Variants in DKK3 observed in about 807,000 individuals in gnomAD.
DKK3 encodes the protein dickkopf-related protein 3.
DKK3 carries 22 observed loss-of-function variants against 33.2 expected under a neutral mutation model. That is an observed-to-expected ratio of 0.66 (90% CI 0.47 to 0.95). The LOEUF is 0.95. DKK3 is among the 40% of genes least tolerant of loss of function. The pLI is 0.00. For synonymous variants in DKK3, 194 were observed against 188.8 expected, an observed-to-expected ratio of 1.03 and a Z score of -0.23; for missense variants, 398 against 458.4, an observed-to-expected ratio of 0.87 and a Z score of 1.20.
chr11:11,999,550 G>C (rs1205652146), intron 2 of DKK3, among the ~76,000 whole-genome samples: 1 of 152,186 alleles, frequency 6.6e-6, no homozygotes, highest in Non-Finnish European at 1.5e-5. Context: ...GCTTGAACCT[G>C]GGCTGCAGAG....
chr11:11,988,087 C>T (rs932437364), intron 3 of DKK3, among the ~76,000 whole-genome samples: 1 of 152,170 alleles, frequency 6.6e-6, no homozygotes, highest in African/African-American at 2.4e-5. Context: ...AGGGAAGTTT[C>T]CCCAGAAGCA....
At chr11:11,975,096 C>T (rs975184807) in intron 3 of DKK3, among the ~76,000 whole-genome samples, 3 of 152,206 alleles carry the variant, frequency 2.0e-5, no homozygotes, top group African/African-American at 7.2e-5. Flanking sequence ...CTTCCAGCCT[C>T]CAGAACCGTG....
At position 11,964,330 on chromosome 11, in the gene DKK3, G is replaced by T; in HGVS notation, c.*134C>A. On this transcript the variant is annotated 3_prime_UTR_variant, in exon 7 of 7. Transcript: ENST00000683431. ...GCTGAACAAATGCACAACACCTCAT[G>T]CTGTCAAGCCAGAGGGGAAACTTAC... 8.8e-7 allele frequency: 1 copy of T among 1,132,580 alleles called. No individual in the cohort carries two copies. Among genetic ancestry groups the T allele is most frequent in the Non-Finnish European group, 1.3e-6 (1 of 796,750 alleles). The allele number at this position is 1,132,580 out of a possible 1,614,324, so 70.2% of individuals were successfully genotyped here.
At position 11,964,480 on chromosome 11, in the gene DKK3, C is replaced by A; in HGVS notation, c.1037G>T (p.Gly346Val). The change falls in exon 7 of 7, where the codon GGA becomes GTA. Residue 346 changes from glycine to valine, a missense_variant. By Grantham distance (109) the Gly-to-Val change is moderately radical. Transcript: ENST00000683431. ...GGTCCAGATCTAAATCTCTTCCCCT[C>A]CCAGCAGTGCAGCGGCGGCAGCCGC... is the stretch of plus-strand genomic sequence containing the variant. Reference protein sequence around the residue: ...EPAAAAAALLGGEEI With the variant: ...EPAAAAAALLVGEEI The A allele has an allele frequency of 1.2e-6, 2 of 1,612,558 alleles. No homozygotes were observed. Among genetic ancestry groups the A allele is most frequent in the South Asian group, 1.1e-5 (1 of 91,084 alleles).
At chr11:11,983,826 C>A (rs1420342381) in intron 3 of DKK3, among the ~76,000 whole-genome samples, 1 of 152,238 alleles carries the variant, frequency 6.6e-6, no homozygotes, top group Non-Finnish European at 1.5e-5. Context: ...AACCCCCGAC[C>A]CAATGCCTAT....
At chr11:12,004,977 C>T (rs1493208) in intron 1 of DKK3, among the ~76,000 whole-genome samples, 77,400 of 152,020 alleles carry the variant, frequency 0.51, 21,250 homozygotes, top group African/African-American at 0.73. Context: ...AAATGACTTT[C>T]CTTAAAAGCA....
intron 3 of DKK3, among the ~76,000 whole-genome samples, chr11:11,986,941 C>G (rs1848082643): frequency 6.6e-6 from 1 of 152,178 alleles, no homozygotes; most frequent in Admixed American, 6.5e-5. Flanking sequence ...ATTTTTTAAA[C>G]AAATCAGACT....
intron 3 of DKK3, among the ~76,000 whole-genome samples, chr11:11,988,677 C>T (rs528034113): frequency 2.4e-4 from 37 of 152,268 alleles, no homozygotes; most frequent in African/African-American, 7.0e-4. Flanking sequence ...TCTTTGAGGA[C>T]ACCATGGAGG....
intron 3 of DKK3, chr11:11,968,722 A>C: frequency 2.2e-6 from 1 of 456,748 alleles, no homozygotes; most frequent in Non-Finnish European, 3.9e-6. Flanking sequence ...CCCACACCAA[A>C]TTCACACAAT....
chr11:11,988,601 T>A (rs939875359), intron 3 of DKK3, among the ~76,000 whole-genome samples: 3 of 152,168 alleles, frequency 2.0e-5, no homozygotes, highest in African/African-American at 7.2e-5. Context: ...GAGTCCCCCA[T>A]AGGACCTCTT....
chr11:12,007,721 T>C (rs1343333913), intron 1 of DKK3, among the ~76,000 whole-genome samples: 2 of 152,226 alleles, frequency 1.3e-5, no homozygotes, highest in Non-Finnish European at 2.9e-5. Context: ...AATGTCACCC[T>C]GCTACTGAGT....
At chr11:11,998,017 C>T (rs1230320585) in intron 3 of DKK3, among the ~76,000 whole-genome samples, 2 of 152,204 alleles carry the variant, frequency 1.3e-5, no homozygotes, top group Non-Finnish European at 1.5e-5. Context: ...GAAGCCAGCA[C>T]ATCTTTGGGA....
intron 3 of DKK3, among the ~76,000 whole-genome samples, chr11:11,973,764 G>A (rs990935151): frequency 6.6e-6 from 1 of 152,234 alleles, no homozygotes; most frequent in Non-Finnish European, 1.5e-5. Context: ...TGAAATAGTG[G>A]AAAATGGCAA....
At chr11:11,984,029 G>A (rs1435177231) in intron 3 of DKK3, among the ~76,000 whole-genome samples, 3 of 152,178 alleles carry the variant, frequency 2.0e-5, no homozygotes, top group Admixed American at 1.3e-4. Context: ...CAGCCTCCCT[G>A]CTGCCCACTA....
intron 1 of DKK3, among the ~76,000 whole-genome samples, chr11:12,005,886 GATACTTTT>G (rs1848526562): frequency 6.6e-6 from 1 of 152,152 alleles, no homozygotes; most frequent in Non-Finnish European, 1.5e-5. Flanking sequence ...ATATCTAAAA[GATACTTTT>G]AGTATTTTAA....
chr11:12,004,196 C>T (rs16910327), intron 1 of DKK3, among the ~76,000 whole-genome samples: 10,175 of 152,212 alleles, frequency 0.067, 444 homozygotes, highest in South Asian at 0.15. Flanking sequence ...CTTCATGGAC[C>T]CGCTGAATTG....
At chr11:11,993,233 TA>T (rs1389850558) in intron 3 of DKK3, among the ~76,000 whole-genome samples, 1 of 152,180 alleles carries the variant, frequency 6.6e-6, no homozygotes, top group Non-Finnish European at 1.5e-5. Flanking sequence ...TCTGCAAGCT[TA>T]AAATCCTCTG....
chr11:11,998,486 G>T, intron 3 of DKK3: 2 of 624,002 alleles, frequency 3.2e-6, no homozygotes, highest in Non-Finnish European at 5.7e-6. Flanking sequence ...TTTATCTGTT[G>T]TTTCTGATGC....
chr11:11,967,109 G>A lies in DKK3; in HGVS notation c.529-11C>T, dbSNP rs1590497782. On this transcript the variant is annotated splice_polypyrimidine_tract_variant and intron_variant, in intron 4 of 6. Transcript: ENST00000683431. ...GTCCCGGGTGCAGAGCTGCAGACAG[G>A]TGGAAAGAGCCTAGAGCCAGCGGCT... is the stretch of plus-strand genomic sequence containing the variant. The A allele has an allele frequency of 6.2e-7, 1 of 1,612,566 alleles. No individual in the cohort carries two copies. Among genetic ancestry groups the A allele is most frequent in the South Asian group, 1.1e-5 (1 of 90,856 alleles).
Sources: gnomAD v4.1 joint callset for allele counts (sites outside exome capture counted in the v4.1 genomes callset) on GRCh38, gnomAD v4.1.1 for gene constraint, MANE v1.5 for transcripts, NCBI Gene and HGNC (gene_info 2026-07-23, HGNC 2026-07-21) for gene names.